C1GALT1: variants seen among roughly 807,000 people sequenced by gnomAD.
C1GALT1 encodes the protein core 1 synthase, glycoprotein-N-acetylgalactosamine 3-beta-galactosyltransferase 1.
A neutral mutation model predicts 31.0 loss-of-function variants in C1GALT1; 11 were observed. That is an observed-to-expected ratio of 0.36 (90% CI 0.22 to 0.59). C1GALT1 has a LOEUF of 0.59. Ranked by LOEUF, C1GALT1 falls within the 20% of genes least tolerant of loss-of-function variation. The probability of loss-of-function intolerance (pLI) is 0.79; values close to 1 mark genes in which losing one functional copy is unlikely to be tolerated. For missense variants in C1GALT1, 424 were observed against 425.2 expected (o/e 1.00, Z 0.03); for synonymous variants, 175 against 143.6 (o/e 1.22, Z -1.56).
intron 1 of C1GALT1, among the ~76,000 whole-genome samples, chr7:7,195,118 T>A (rs1455116608): frequency 6.6e-6 from 1 of 152,182 alleles, no homozygotes; most frequent in East Asian, 1.9e-4. Flanking sequence ...AGAACCAGCT[T>A]TCTGTTTCAT....
chr7:7,165,396 G>C (rs547474125), intron 2 of C1GALT1, among the ~76,000 whole-genome samples: 1 of 152,008 alleles, frequency 6.6e-6, no homozygotes, highest in African/African-American at 2.4e-5. Flanking sequence ...TTTAATTTTT[G>C]TGAATGCATC....
At chr7:7,207,181 C>G (rs530993875) in intron 1 of C1GALT1, among the ~76,000 whole-genome samples, 40 of 152,114 alleles carry the variant, frequency 2.6e-4, no homozygotes, top group African/African-American at 9.6e-4. Flanking sequence ...ATTGTTCTCT[C>G]TTCAAGTTCA....
chr7:7,203,689 A>G (rs777078511), intron 1 of C1GALT1, among the ~76,000 whole-genome samples: 22 of 150,846 alleles, frequency 1.5e-4, no homozygotes, highest in Non-Finnish European at 2.2e-4. Flanking sequence ...TCTCATTTCT[A>G]TTTCTAAAAA....
upstream of C1GALT1, among the ~76,000 whole-genome samples, chr7:7,179,587 A>G (rs1200095051): frequency 1.3e-5 from 2 of 152,198 alleles, no homozygotes; most frequent in Non-Finnish European, 2.9e-5. Flanking sequence ...TAAATAAATG[A>G]TGACTTGGCC....
At chr7:7,218,942 T>C (rs1437035344) in intron 1 of C1GALT1, among the ~76,000 whole-genome samples, 1 of 151,930 alleles carries the variant, frequency 6.6e-6, no homozygotes, top group Non-Finnish European at 1.5e-5. Flanking sequence ...CACGCCATTC[T>C]CCTGCCTCAG....
At chr7:7,176,240 G>T (rs974979418) in intron 2 of C1GALT1, among the ~76,000 whole-genome samples, 3 of 151,914 alleles carry the variant, frequency 2.0e-5, no homozygotes, top group African/African-American at 7.3e-5. Context: ...ACAAGAAAAG[G>T]TATCTACTAT....
rs558325252 is a variant in C1GALT1 at position 7,236,854 on chromosome 7, A to G, written c.221-1401A>G. Among the ~76,000 whole-genome samples the G allele has an allele frequency of 3.3e-5, 5 of 152,250 alleles. No homozygotes were observed. The South Asian group carries it at 1.0e-3, about 32-fold the overall frequency. On this transcript the variant is annotated intron_variant, in intron 2 of 3. Coordinates refer to ENST00000436587, the MANE Select transcript of C1GALT1 (RefSeq NM_020156.5). ...ATGAGAATATTTTTATGTTCCACCC[A>G]GCTTTTCCCATTATTCCCTCTCAGT...
At chr7:7,163,778 C>T (rs1217683994) in intron 2 of C1GALT1, among the ~76,000 whole-genome samples, 1 of 152,062 alleles carries the variant, frequency 6.6e-6, no homozygotes. Context: ...AGGACCTCCT[C>T]AAGGAGAACT....
chr7:7,189,954 G>T (rs578219221), intron 1 of C1GALT1, among the ~76,000 whole-genome samples: 10 of 152,002 alleles, frequency 6.6e-5, no homozygotes, highest in African/African-American at 2.4e-4. Flanking sequence ...GATTTGAAAT[G>T]CTGTTTATTA....
At chr7:7,166,349 TAAC>T (rs1191561299) in intron 2 of C1GALT1, among the ~76,000 whole-genome samples, 3 of 152,144 alleles carry the variant, frequency 2.0e-5, no homozygotes, top group Non-Finnish European at 2.9e-5. Context: ...TTGATAAACA[TAAC>T]AATATGGTTT....
chr7:7,157,845 C>T (rs938146765), intron 2 of C1GALT1, among the ~76,000 whole-genome samples: 1 of 152,142 alleles, frequency 6.6e-6, no homozygotes, highest in African/African-American at 2.4e-5. Context: ...TCAATGAGAT[C>T]TCTTTTCCTT....
At chr7:7,204,352 C>T (rs1781648829) in intron 1 of C1GALT1, among the ~76,000 whole-genome samples, 2 of 151,980 alleles carry the variant, frequency 1.3e-5, no homozygotes, top group Non-Finnish European at 2.9e-5. Flanking sequence ...CAGTTGTTGA[C>T]ATTCGGTTGT....
At chr7:7,230,844 A>G (rs1193723548) in intron 1 of C1GALT1, among the ~76,000 whole-genome samples, 2 of 151,512 alleles carry the variant, frequency 1.3e-5, no homozygotes, top group Non-Finnish European at 2.9e-5. Context: ...TCCTCCTTAT[A>G]CTTTTTGATG....
chr7:7,220,586 C>T (rs557322374), intron 1 of C1GALT1, among the ~76,000 whole-genome samples: 23 of 151,568 alleles, frequency 1.5e-4, no homozygotes, highest in East Asian at 2.0e-4. Context: ...GGTGTGATCT[C>T]GGCTCACTGC....
Position 7,218,758 on chromosome 7 carries a change from T to G in C1GALT1, c.-17-15545T>G, listed in dbSNP as rs545639208. 1.6e-4 allele frequency among the ~76,000 whole-genome samples: 25 copies of G among 152,316 alleles called. No individual in the cohort carries two copies. In the South Asian group the frequency reaches 5.2e-3, roughly 32 times the overall value. On this transcript the variant is annotated intron_variant, in intron 1 of 3. Transcript: ENST00000436587. ...TTAACATTTGGAAAGGTCCATTTGGTAGCACCTTCCAAAGATTACAGAAAA... is the reference window on the plus strand; with the variant it reads ...TTAACATTTGGAAAGGTCCATTTGGGAGCACCTTCCAAAGATTACAGAAAA...
intron 1 of C1GALT1, among the ~76,000 whole-genome samples, chr7:7,228,071 C>T (rs1038113623): frequency 2.0e-5 from 3 of 152,172 alleles, no homozygotes; most frequent in African/African-American, 4.8e-5. Context: ...AATACTAGTC[C>T]GTACTTTATA....
At chr7:7,217,891 A>G (rs1490028447) in intron 1 of C1GALT1, among the ~76,000 whole-genome samples, 1 of 152,088 alleles carries the variant, frequency 6.6e-6, no homozygotes, top group Non-Finnish European at 1.5e-5. Flanking sequence ...GAGAAAAATC[A>G]TTTCAATTGT....
intron 1 of C1GALT1, among the ~76,000 whole-genome samples, chr7:7,202,873 ATTAT>A (rs1406639541): frequency 2.0e-5 from 3 of 152,088 alleles, no homozygotes; most frequent in Non-Finnish European, 4.4e-5. Flanking sequence ...TGTCTTTCTA[ATTAT>A]TTATGTATTC....
At chr7:7,165,063 C>A (rs540679181) in intron 2 of C1GALT1, among the ~76,000 whole-genome samples, 9 of 152,248 alleles carry the variant, frequency 5.9e-5, no homozygotes, top group African/African-American at 2.2e-4. Context: ...CAGAGAAGGA[C>A]CAAACAGTGC....
Sources: allele counts gnomAD v4.1 joint callset (sites outside exome capture counted in the v4.1 genomes callset), GRCh38; gene constraint gnomAD v4.1.1; transcripts MANE v1.5; gene names NCBI Gene and HGNC (gene_info 2026-07-23, HGNC 2026-07-21).